The following PSD3 variants were observed in gnomAD, a reference collection of about 807,000 sequenced individuals.
The protein encoded by PSD3 is PH and SEC7 domain-containing protein 3.
In PSD3, 49 loss-of-function variants were observed where a neutral mutation model predicts 105.5. The ratio of observed to expected loss-of-function variants is 0.46; its 90% CI spans 0.37 to 0.59. The LOEUF is 0.59. Among genes scored for constraint, PSD3 ranks in the 20% least tolerant of loss-of-function variants. The probability of loss-of-function intolerance (pLI) is 0.00; values close to 1 mark genes in which losing one functional copy is unlikely to be tolerated. For missense variants in PSD3, 1,561 were observed against 1,263.8 expected (o/e 1.24, Z -3.57); for synonymous variants, 557 against 457.8 (o/e 1.22, Z -2.77).
intron 4 of PSD3, among the ~76,000 whole-genome samples, chr8:18,808,167 T>C (rs1234557193): frequency 6.6e-6 from 1 of 152,226 alleles, no homozygotes; most frequent in Non-Finnish European, 1.5e-5. Context: ...ATCAAGTACT[T>C]TTTATAATTA....
At chr8:18,860,955 T>C (rs1014409292) in intron 4 of PSD3, among the ~76,000 whole-genome samples, 4 of 151,978 alleles carry the variant, frequency 2.6e-5, no homozygotes, top group Non-Finnish European at 5.9e-5. Flanking sequence ...CGCCGCACCA[T>C]GCTCTTCACA....
intron 10 of PSD3, 40 bp from the exon 11 acceptor site, chr8:18,632,846 T>A (rs2306824): frequency 2.1e-6 from 3 of 1,407,684 alleles, no homozygotes; most frequent in Non-Finnish European, 2.9e-6. Flanking sequence ...CAAGCACCTA[T>A]CATAATATTC....
At chr8:18,670,029 C>T (rs1799688472) in intron 9 of PSD3, among the ~76,000 whole-genome samples, 2 of 152,160 alleles carry the variant, frequency 1.3e-5, no homozygotes, top group Non-Finnish European at 2.9e-5. Context: ...AGAAAAATAA[C>T]AGATGACGAT....
chr8:18,805,636 A>G (rs61255116), intron 4 of PSD3, among the ~76,000 whole-genome samples: 5,586 of 152,220 alleles, frequency 0.037, 358 homozygotes, highest in African/African-American at 0.13. Flanking sequence ...CTTTGAATGG[A>G]TCTTTTAACC....
At chr8:18,896,370 T>C (rs531338213) in intron 2 of PSD3, among the ~76,000 whole-genome samples, 14 of 152,326 alleles carry the variant, frequency 9.2e-5, no homozygotes, top group Admixed American at 7.2e-4. Context: ...GAGCTCTATT[T>C]TTAGTTTTTG....
intron 15 of PSD3, among the ~76,000 whole-genome samples, chr8:18,554,033 A>C (rs186489649): frequency 6.6e-5 from 10 of 152,300 alleles, no homozygotes; most frequent in Admixed American, 5.9e-4. Context: ...GGGATTGAAA[A>C]TGCTGGCTCT....
intron 9 of PSD3, among the ~76,000 whole-genome samples, chr8:18,727,925 T>C (rs1320876130): frequency 2.0e-5 from 3 of 152,186 alleles, no homozygotes; most frequent in Non-Finnish European, 4.4e-5. Flanking sequence ...TAACCCATTT[T>C]TATCCATTTA....
At chr8:18,574,672 G>A (rs932366333) in intron 13 of PSD3, among the ~76,000 whole-genome samples, 2 of 152,134 alleles carry the variant, frequency 1.3e-5, no homozygotes, top group Admixed American at 1.3e-4. Context: ...ACTGTGTGAG[G>A]TATTATACAC....
intron 1 of PSD3, among the ~76,000 whole-genome samples, chr8:19,052,381 A>G (rs549333280): frequency 6.6e-6 from 1 of 151,788 alleles, no homozygotes; most frequent in East Asian, 2.0e-4. Flanking sequence ...CTGAGGCAGG[A>G]GAATCACTTG....
chr8:18,623,339 C>G (rs901744524), intron 11 of PSD3, among the ~76,000 whole-genome samples: 4 of 149,956 alleles, frequency 2.7e-5, no homozygotes, highest in African/African-American at 9.8e-5. Flanking sequence ...AGGCCAGGAG[C>G]AGTGGCTTAT....
intron 4 of PSD3, among the ~76,000 whole-genome samples, chr8:18,824,222 C>G (rs1812991309): frequency 6.6e-6 from 1 of 152,118 alleles, no homozygotes; most frequent in East Asian, 1.9e-4. Flanking sequence ...TGTCAATTTT[C>G]CAAAGACACA....
chr8:18,682,868 G>A (rs1044016440), intron 9 of PSD3, among the ~76,000 whole-genome samples: 3 of 152,010 alleles, frequency 2.0e-5, no homozygotes, highest in Non-Finnish European at 4.4e-5. Flanking sequence ...ATATAACCCC[G>A]AGAAGGCTGA....
At chr8:18,969,477 C>A (rs1224024717) in intron 1 of PSD3, among the ~76,000 whole-genome samples, 1 of 152,182 alleles carries the variant, frequency 6.6e-6, no homozygotes, top group East Asian at 1.9e-4. Flanking sequence ...TAATGACAGA[C>A]AATGTATGCA....
chr8:18,815,308 T>C (rs1293553787), intron 4 of PSD3, among the ~76,000 whole-genome samples: 2 of 152,126 alleles, frequency 1.3e-5, no homozygotes, highest in African/African-American at 4.8e-5. Context: ...TTCTTTTTTT[T>C]GTGGGGTTGG....
chr8:18,968,711 A>C (rs1834685), intron 1 of PSD3, among the ~76,000 whole-genome samples: 110,579 of 151,734 alleles, frequency 0.73, 40,571 homozygotes, highest in Middle Eastern at 0.8. Context: ...CCCGTCTCTA[A>C]TAAAAATACA....
In PSD3 at chr8:19,082,948, C is replaced by T. The variant is rs943886414; in HGVS notation, c.324+1258G>A. Among the ~76,000 whole-genome samples, 27 of 152,294 alleles carry T rather than the reference C, an allele frequency of 1.8e-4. 1 individual carries two copies. The highest frequency in any genetic ancestry group is 1.3e-4 in the Admixed American group (2 of 15,302). On this transcript the variant is annotated intron_variant, in intron 1 of 1. Coordinates refer to the PSD3 transcript ENST00000521475. ...TCTCCCCGTTTCTTAACTGTGGCTACGCAGGCCCTTGTTAAAAAGAGAAAA... is the reference window on the plus strand; with the variant it reads ...TCTCCCCGTTTCTTAACTGTGGCTATGCAGGCCCTTGTTAAAAAGAGAAAA...
chr8:19,080,415 G>A (rs376502363), intron 1 of PSD3, among the ~76,000 whole-genome samples: 2 of 152,122 alleles, frequency 1.3e-5, no homozygotes, highest in East Asian at 1.9e-4. Context: ...CTACCCAAAA[G>A]GTAATGTACT....
intron 1 of PSD3, among the ~76,000 whole-genome samples, chr8:19,046,093 G>T (rs1828307158): frequency 6.6e-6 from 1 of 152,032 alleles, no homozygotes; most frequent in Admixed American, 6.6e-5. Context: ...TAGAACAAGG[G>T]TGAAGTAACT....
chr8:18,707,638 C>G (rs1801983366), intron 9 of PSD3, among the ~76,000 whole-genome samples: 1 of 152,200 alleles, frequency 6.6e-6, no homozygotes, highest in South Asian at 2.1e-4. Context: ...ACTGATAACA[C>G]TCTTGAGGTC....
Sources: gnomAD v4.1 joint callset for allele counts (sites outside exome capture counted in the v4.1 genomes callset) on GRCh38, gnomAD v4.1.1 for gene constraint, MANE v1.5 for transcripts, NCBI Gene and HGNC (gene_info 2026-07-23, HGNC 2026-07-21) for gene names.